The following SCN3A variants were observed in gnomAD, a reference collection of about 807,000 sequenced individuals.
The protein encoded by SCN3A is sodium voltage-gated channel alpha subunit 3, also known as sodium channel protein type 3 subunit alpha.
A neutral mutation model predicts 187.6 loss-of-function variants in SCN3A; 60 were observed. The ratio of observed to expected loss-of-function variants is 0.32; its 90% CI spans 0.26 to 0.40. The LOEUF (loss-of-function observed/expected upper bound fraction) is 0.40, where lower values mean the gene tolerates loss of function less well. SCN3A is among the 10% of genes least tolerant of loss of function. The pLI is 1.00. For synonymous variants in SCN3A, 788 were observed against 829.2 expected, an observed-to-expected ratio of 0.95 and a Z score of 0.85; for missense variants, 1,601 against 2,428.2, an observed-to-expected ratio of 0.66 and a Z score of 7.16.
intron 21 of SCN3A, among the ~76,000 whole-genome samples, chr2:165,101,415 T>C (rs1401593093): frequency 6.6e-6 from 1 of 152,142 alleles, no homozygotes; most frequent in African/African-American, 2.4e-5. Context: ...CATCACCTCT[T>C]TATGTGTGAG....
intron 5 of SCN3A, among the ~76,000 whole-genome samples, chr2:165,166,186 A>C (rs2105899629): frequency 6.6e-6 from 1 of 152,262 alleles, no homozygotes; most frequent in Non-Finnish European, 1.5e-5. Context: ...TTTGTTCTTG[A>C]TTTGGGGAAA....
At chr2:165,111,233 G>C (rs1388400022) in intron 21 of SCN3A, among the ~76,000 whole-genome samples, 1 of 152,118 alleles carries the variant, frequency 6.6e-6, no homozygotes, top group Non-Finnish European at 1.5e-5. Context: ...TACTCGAGAG[G>C]CTGAGGCAGG....
chr2:165,177,523 T>C (rs1392360726), intron 2 of SCN3A, among the ~76,000 whole-genome samples: 3 of 152,244 alleles, frequency 2.0e-5, no homozygotes, highest in South Asian at 4.1e-4. Context: ...TTTCCCTCTT[T>C]TATGGTTTCA....
intron 1 of SCN3A, among the ~76,000 whole-genome samples, chr2:165,188,753 G>T (rs1179333285): frequency 7.2e-6 from 1 of 138,544 alleles, no homozygotes; most frequent in African/African-American, 2.8e-5. Flanking sequence ...CTGAGATCAC[G>T]CCACTGCACT....
intron 15 of SCN3A, among the ~76,000 whole-genome samples, chr2:165,136,521 G>GA (rs1687675836): frequency 6.6e-6 from 1 of 152,108 alleles, no homozygotes; most frequent in Admixed American, 6.6e-5. Context: ...TTCAATAATA[G>GA]AAAACAAAGA....
chr2:165,185,663 G>A (rs973879315), intron 2 of SCN3A, among the ~76,000 whole-genome samples: 1 of 152,110 alleles, frequency 6.6e-6, no homozygotes, highest in African/African-American at 2.4e-5. Context: ...TTGTGGACCC[G>A]AACAACCTCT....
intron 13 of SCN3A, 117 bp from the exon 14 acceptor site, chr2:165,139,725 G>A (rs1687883968): frequency 2.3e-6 from 3 of 1,284,064 alleles, no homozygotes; most frequent in South Asian, 1.2e-5. Flanking sequence ...AATTTTCAAG[G>A]AATAAAATAT....
intron 1 of SCN3A, among the ~76,000 whole-genome samples, chr2:165,202,940 T>C (rs1025732177): frequency 3.3e-5 from 5 of 152,084 alleles, no homozygotes; most frequent in African/African-American, 7.2e-5. Flanking sequence ...ATTCTAATTA[T>C]GTGGTGGCTA....
chr2:165,164,091 A>G (rs1689584506), intron 6 of SCN3A, among the ~76,000 whole-genome samples: 1 of 152,186 alleles, frequency 6.6e-6, no homozygotes, highest in South Asian at 2.1e-4. Flanking sequence ...CACTAATATG[A>G]ACACATTTGT....
chr2:165,147,134 G>C, intron 11 of SCN3A, 105 bp from the exon 12 acceptor site: 1 of 1,287,398 alleles, frequency 7.8e-7, no homozygotes. Context: ...CAAGTGAAAA[G>C]TCTATCCTCT....
In SCN3A at chr2:165,090,325, T is replaced by G; in HGVS notation, c.5828A>C (p.Asp1943Ala). 6.2e-7 allele frequency: 1 copy of G among 1,613,392 alleles called. No homozygotes were observed. Among genetic ancestry groups the G allele is most frequent in the Non-Finnish European group, 8.5e-7 (1 of 1,179,444 alleles). Residue 1943 changes from aspartate (D) to alanine (A), a missense_variant, in exon 28 of 28, where the codon GAC becomes GCC. This residue lies in a region of SCN3A where 87 missense variants were observed against 89.2 expected (regional missense o/e 0.98). Coordinates refer to ENST00000283254, the MANE Select transcript of SCN3A (RefSeq NM_006922.4). This position sits in a 1 kb window ranked among gnomAD's most constrained non-coding sequence, Gnocchi z 4.0. ...KGRIDLPIKQ[D>A]MIIDKLNGNS... The stretch of plus-strand genomic sequence containing the variant: ...CCCATTTAGTTTGTCAATAATCATG[T>G]CTTGTTTTATAGGTAAGTCAATCCT...
intron 1 of SCN3A, among the ~76,000 whole-genome samples, chr2:165,199,055 T>C (rs1692157140): frequency 6.6e-6 from 1 of 152,078 alleles, no homozygotes; most frequent in African/African-American, 2.4e-5. Context: ...CAGTTCAAGC[T>C]CTTTCTTGGG....
At chr2:165,131,026 A>C (rs1331096162) in intron 16 of SCN3A, among the ~76,000 whole-genome samples, 1 of 152,144 alleles carries the variant, frequency 6.6e-6, no homozygotes, top group East Asian at 1.9e-4. Context: ...AGGTTTTCTA[A>C]TGTGCCCTAC....
intron 21 of SCN3A, among the ~76,000 whole-genome samples, chr2:165,104,242 A>T (rs1047183293): frequency 2.0e-5 from 3 of 152,054 alleles, no homozygotes; most frequent in Admixed American, 2.0e-4. Flanking sequence ...AAATTTCACC[A>T]GATATTGATT....
Position 165,100,434 on chromosome 2 carries a change from G to GA in SCN3A, c.3844-11dup, listed in dbSNP as rs71028466. ...GGCTAACCAAAGAAACCTACAAAAGGAAAAAAAAATTAATTAGTTCACCAA... is the reference window on the plus strand; with the variant it reads ...GGCTAACCAAAGAAACCTACAAAAGGAAAAAAAAAATTAATTAGTTCACCAA... On this transcript the variant is annotated splice_polypyrimidine_tract_variant and intron_variant, in intron 21 of 27. Transcript: ENST00000283254. 151 of 1,602,458 alleles carry GA rather than the reference G, an allele frequency of 9.4e-5. No homozygotes were observed. The highest frequency in any genetic ancestry group is 2.9e-4 in the Admixed American group (17 of 59,198).
At chr2:165,176,659 GTTAA>G (rs1193647783) in intron 2 of SCN3A, among the ~76,000 whole-genome samples, 5 of 151,974 alleles carry the variant, frequency 3.3e-5, no homozygotes, top group South Asian at 2.1e-4. Flanking sequence ...TGTACTTAAT[GTTAA>G]TTAGTTTGAT....
At chr2:165,168,185 T>A (rs561333027) in intron 5 of SCN3A, among the ~76,000 whole-genome samples, 1 of 152,228 alleles carries the variant, frequency 6.6e-6, no homozygotes, top group South Asian at 2.1e-4. Context: ...CCTGTTATTT[T>A]ATGAACACAG....
intron 1 of SCN3A, among the ~76,000 whole-genome samples, chr2:165,203,550 C>A (rs1251406239): frequency 6.6e-6 from 1 of 151,926 alleles, no homozygotes; most frequent in Non-Finnish European, 1.5e-5. Flanking sequence ...AATATTTTTT[C>A]TGAATACAAT....
intron 11 of SCN3A, among the ~76,000 whole-genome samples, chr2:165,153,060 T>C (rs932319451): frequency 1.4e-5 from 2 of 143,986 alleles, no homozygotes; most frequent in Non-Finnish European, 3.0e-5. Flanking sequence ...AGACTCGTCA[T>C]AAAAGGTACA....
Sources: gnomAD v4.1 joint callset for allele counts (sites outside exome capture counted in the v4.1 genomes callset) on GRCh38, gnomAD v4.1.1 for gene constraint, gnomAD v4.1.1 regional missense constraint, Gnocchi (gnomAD v3.1) non-coding constraint, MANE v1.5 for transcripts, NCBI Gene and HGNC (gene_info 2026-07-23, HGNC 2026-07-21) for gene names.